The following ALDH1L1 variants were observed in gnomAD, a reference collection of about 807,000 sequenced individuals.
The protein encoded by ALDH1L1 is cytosolic 10-formyltetrahydrofolate dehydrogenase.
A neutral mutation model predicts 101.1 loss-of-function variants in ALDH1L1; 68 were observed. The ratio of observed to expected loss-of-function variants is 0.67; its 90% CI spans 0.55 to 0.82. The LOEUF is 0.82. Among genes scored for constraint, ALDH1L1 ranks in the 40% least tolerant of loss-of-function variants. ALDH1L1 has a pLI of 0.00. For synonymous variants in ALDH1L1, 486 were observed against 470.8 expected (o/e 1.03, Z -0.42); for missense variants, 1,087 against 1,172.7 (o/e 0.93, Z 1.07).
At chr3:126,195,433 A>G (rs1241553183) in intron 1 of ALDH1L1, among the ~76,000 whole-genome samples, 1 of 152,254 alleles carries the variant, frequency 6.6e-6, no homozygotes, top group East Asian at 1.9e-4. Flanking sequence ...CTACACAGGC[A>G]GAACAAAAGA....
intron 17 of ALDH1L1, chr3:126,115,208 A>AT: frequency 2.5e-6 from 1 of 397,346 alleles, no homozygotes; most frequent in East Asian, 7.3e-5. Context: ...ACCTCCTTGT[A>AT]TTAGTGGCAG....
At chr3:126,108,764 A>C (rs1274750119) in intron 20 of ALDH1L1, among the ~76,000 whole-genome samples, 1 of 152,196 alleles carries the variant, frequency 6.6e-6, no homozygotes, top group African/African-American at 2.4e-5. Context: ...GAGCCCAAGA[A>C]AGCAGGAGAA....
intron 19 of ALDH1L1, among the ~76,000 whole-genome samples, chr3:126,111,622 C>T (rs1946079935): frequency 6.6e-6 from 1 of 152,248 alleles, no homozygotes; most frequent in Non-Finnish European, 1.5e-5. Flanking sequence ...CCTTTTCCCA[C>T]TGCTTCCGGA....
chr3:126,152,723 C>G, intron 7 of ALDH1L1: 1 of 159,554 alleles, frequency 6.3e-6, no homozygotes, highest in South Asian at 1.8e-4. Flanking sequence ...CAGGAAGCTA[C>G]CATGGCCAAG....
intron 22 of ALDH1L1, chr3:126,104,423 G>C (rs906685879): frequency 6.3e-6 from 1 of 158,092 alleles, no homozygotes; most frequent in African/African-American, 2.4e-5. Flanking sequence ...TGCTTGGAAG[G>C]CTTGGCTTGT....
intron 16 of ALDH1L1, among the ~76,000 whole-genome samples, chr3:126,120,746 C>A (rs1260049228): frequency 2.0e-5 from 3 of 152,066 alleles, no homozygotes; most frequent in Non-Finnish European, 2.9e-5. Context: ...TTGCTATCAA[C>A]CTAAAACTGC....
chr3:126,196,173 G>A (rs2081580916), intron 1 of ALDH1L1, among the ~76,000 whole-genome samples: 2 of 152,140 alleles, frequency 1.3e-5, no homozygotes, highest in African/African-American at 4.8e-5. Flanking sequence ...ACTGGGTTTA[G>A]GGTAGAGTCC....
At chr3:126,180,633 A>G, upstream of ALDH1L1, 1 of 1,290,846 alleles carries the variant, frequency 7.7e-7, no homozygotes. Context: ...CCGTGAGGGG[A>G]GGGGCGCGGG....
intron 17 of ALDH1L1, among the ~76,000 whole-genome samples, chr3:126,117,396 C>T (rs1278269860): frequency 6.6e-6 from 1 of 152,022 alleles, no homozygotes; most frequent in Non-Finnish European, 1.5e-5. Context: ...TCACGTCAGT[C>T]ATCCCAGCAC....
intron 9 of ALDH1L1, among the ~76,000 whole-genome samples, chr3:126,138,754 C>T (rs375010607): frequency 2.0e-5 from 3 of 152,290 alleles, no homozygotes; most frequent in East Asian, 3.9e-4. Context: ...AACATACTTC[C>T]TATTTCACTC....
chr3:126,187,013 C>G (rs771127002), intron 1 of ALDH1L1, among the ~76,000 whole-genome samples: 1 of 152,272 alleles, frequency 6.6e-6, no homozygotes, highest in South Asian at 2.1e-4. Flanking sequence ...CAGGAACAGG[C>G]ACCCAGGGCT....
chr3:126,158,253 T>C (rs2080957682), intron 3 of ALDH1L1, 152 bp downstream of exon 3: 2 of 696,332 alleles, frequency 2.9e-6, no homozygotes. Flanking sequence ...CACAGCCTGT[T>C]CTGTGGCTGA....
At chr3:126,192,155 A>G (rs185091534) in intron 1 of ALDH1L1, among the ~76,000 whole-genome samples, 15 of 152,354 alleles carry the variant, frequency 9.8e-5, no homozygotes, top group African/African-American at 3.4e-4. Flanking sequence ...AAACCTTGGT[A>G]TCACGATTTT....
intron 1 of ALDH1L1, among the ~76,000 whole-genome samples, chr3:126,168,043 G>A (rs767089750): frequency 2.6e-5 from 4 of 152,138 alleles, no homozygotes; most frequent in Admixed American, 6.5e-5. Flanking sequence ...AGTAAAAAGT[G>A]TTTTTAGTTA....
At chr3:126,122,056 A>G (rs1043007077) in intron 16 of ALDH1L1, among the ~76,000 whole-genome samples, 1 of 152,242 alleles carries the variant, frequency 6.6e-6, no homozygotes, top group Non-Finnish European at 1.5e-5. Context: ...AAGAAAGAAC[A>G]AGAGTGTCAA....
intron 4 of ALDH1L1, among the ~76,000 whole-genome samples, chr3:126,157,048 G>C (rs1213334368): frequency 2.0e-5 from 3 of 152,152 alleles, no homozygotes; most frequent in Admixed American, 6.5e-5. Flanking sequence ...AGCAGGGTGT[G>C]ACCCAGTCCC....
chr3:126,113,008 G>A, intron 18 of ALDH1L1, 128 bp from the exon 19 acceptor site: 1 of 756,006 alleles, frequency 1.3e-6, no homozygotes, highest in Non-Finnish European at 2.2e-6. Flanking sequence ...CTCCTCCTGT[G>A]GGCCCCACTC....
intron 11 of ALDH1L1, 59 bp downstream of exon 11, chr3:126,136,705 G>A: frequency 1.3e-6 from 2 of 1,549,294 alleles, no homozygotes; most frequent in South Asian, 2.4e-5. Context: ...AGTGGGGGCA[G>A]GGAAGGAAGG....
chr3:126,178,005 T>C (rs952931702), intron 1 of ALDH1L1, among the ~76,000 whole-genome samples: 12 of 152,144 alleles, frequency 7.9e-5, no homozygotes, highest in Non-Finnish European at 2.9e-5. Flanking sequence ...ATTGTGCCAC[T>C]GCACTCCAGC....
Sources: allele counts gnomAD v4.1 joint callset (sites outside exome capture counted in the v4.1 genomes callset), GRCh38; gene constraint gnomAD v4.1.1; transcripts MANE v1.5; gene names NCBI Gene and HGNC (gene_info 2026-07-23, HGNC 2026-07-21).